Variants in PIGK observed in about 807,000 individuals in gnomAD.
PIGK encodes the protein phosphatidylinositol glycan anchor biosynthesis class K, also known as GPI-anchor transamidase.
In PIGK, 42 loss-of-function variants were observed where a neutral mutation model predicts 50.6. The observed-to-expected ratio is 0.83, with a 90% CI of 0.65 to 1.07. PIGK has a LOEUF of 1.07. Among genes scored for constraint, PIGK ranks in the 50% least tolerant of loss-of-function variants. PIGK has a pLI of 0.00. For synonymous variants in PIGK, 151 were observed against 156.0 expected, an observed-to-expected ratio of 0.97 and a Z score of 0.24; for missense variants, 448 against 488.7, an observed-to-expected ratio of 0.92 and a Z score of 0.78.
chr1:77,133,302 C>G (rs894749779), intron 9 of PIGK, among the ~76,000 whole-genome samples: 2 of 152,216 alleles, frequency 1.3e-5, no homozygotes, highest in East Asian at 3.9e-4. Flanking sequence ...GAGTTCTTAA[C>G]TTCAGATACC....
intron 4 of PIGK, among the ~76,000 whole-genome samples, chr1:77,168,873 T>A (rs1212425026): frequency 1.3e-5 from 2 of 152,082 alleles, no homozygotes; most frequent in Non-Finnish European, 2.9e-5. Context: ...GGAAGTATAT[T>A]GAAACTATAG....
chr1:77,109,902 T>C (rs368725687), intron 10 of PIGK, among the ~76,000 whole-genome samples: 1 of 152,194 alleles, frequency 6.6e-6, no homozygotes, highest in Admixed American at 6.5e-5. Context: ...GATAAGCAAC[T>C]TCAGCAAAGT....
At chr1:77,158,592 A>G (rs1655065358) in intron 8 of PIGK, among the ~76,000 whole-genome samples, 1 of 152,200 alleles carries the variant, frequency 6.6e-6, no homozygotes, top group South Asian at 2.1e-4. Context: ...AGGTGGACTC[A>G]GATGGAGATG....
At chr1:77,097,459 C>A (rs899713397) in intron 10 of PIGK, among the ~76,000 whole-genome samples, 2 of 152,106 alleles carry the variant, frequency 1.3e-5, no homozygotes, top group African/African-American at 4.8e-5. Flanking sequence ...ATGCACACTA[C>A]CCAAGATCTT....
intron 10 of PIGK, among the ~76,000 whole-genome samples, chr1:77,116,595 T>TGTGC (rs1293791795): frequency 5.2e-4 from 48 of 92,206 alleles, no homozygotes; most frequent in African/African-American, 2.3e-3. Flanking sequence ...TGTGTGTGTG[T>TGTGC]GCGCGTGTGT....
intron 3 of PIGK, among the ~76,000 whole-genome samples, chr1:77,171,386 G>A (rs564011355): frequency 3.8e-4 from 47 of 123,796 alleles, no homozygotes; most frequent in African/African-American, 1.2e-3. Flanking sequence ...GCAGTGAGCC[G>A]ACATCGCGTC....
chr1:77,135,553 C>T (rs550108388), intron 9 of PIGK, among the ~76,000 whole-genome samples: 1 of 151,972 alleles, frequency 6.6e-6, no homozygotes, highest in Non-Finnish European at 1.5e-5. Flanking sequence ...TATCCTAATG[C>T]AGTATTGTTA....
chr1:77,135,278 T>C (rs1570211136), intron 9 of PIGK, among the ~76,000 whole-genome samples: 1 of 152,258 alleles, frequency 6.6e-6, no homozygotes, highest in Non-Finnish European at 1.5e-5. Context: ...TGTGGTTATA[T>C]TACTAATTAA....
At chr1:77,162,595 A>G (rs369410992) in intron 6 of PIGK, among the ~76,000 whole-genome samples, 21 of 152,282 alleles carry the variant, frequency 1.4e-4, no homozygotes, top group African/African-American at 3.8e-4. Flanking sequence ...GAATAATATA[A>G]TCAGGTATCC....
intron 3 of PIGK, among the ~76,000 whole-genome samples, chr1:77,187,969 A>G (rs528244977): frequency 4.6e-5 from 7 of 152,308 alleles, no homozygotes; most frequent in Admixed American, 1.3e-4. Flanking sequence ...CACTTCCCCA[A>G]TCAATACCCT....
chr1:77,171,505 C>G (rs1440442505), intron 3 of PIGK, among the ~76,000 whole-genome samples: 1 of 140,296 alleles, frequency 7.1e-6, no homozygotes, highest in African/African-American at 2.6e-5. Context: ...GGGTTAATTT[C>G]ACTCTGTGAA....
Position 77,210,482 on chromosome 1 carries a change from G to A in PIGK, c.101C>T (p.Ala34Val). The A allele has an allele frequency of 6.3e-7, 1 of 1,588,018 alleles. No homozygotes were observed. Among genetic ancestry groups the A allele is most frequent in the Non-Finnish European group, 8.6e-7 (1 of 1,163,266 alleles). Reference protein sequence around the residue: ...SVAASHIEDQAEQFFRSGHTN... With the variant: ...SVAASHIEDQVEQFFRSGHTN... Reference sequence around the variant, plus strand: ...ATGGCCACTTCTAAAGAATTGTTCTGCTTGATCCTAAATAAAGCAAAACAA... The same window carrying A: ...ATGGCCACTTCTAAAGAATTGTTCTACTTGATCCTAAATAAAGCAAAACAA... Residue 34 changes from alanine (A) to valine (V), a missense_variant, in exon 2 of 11, where the codon GCA (alanine) becomes GTA (valine). Ala to Val is a moderately conservative substitution (Grantham distance 64, BLOSUM62 0). Transcript: ENST00000370812.
At chr1:77,144,803 T>C (rs1437278280) in intron 9 of PIGK, among the ~76,000 whole-genome samples, 1 of 151,966 alleles carries the variant, frequency 6.6e-6, no homozygotes, top group Non-Finnish European at 1.5e-5. Context: ...AATTTAATTA[T>C]GTTTTGGTGC....
intron 10 of PIGK, among the ~76,000 whole-genome samples, chr1:77,093,524 T>C (rs1444533196): frequency 1.3e-5 from 2 of 152,144 alleles, no homozygotes; most frequent in African/African-American, 2.4e-5. Flanking sequence ...TGTCCATCAA[T>C]TCAAAATTAA....
intron 9 of PIGK, among the ~76,000 whole-genome samples, chr1:77,134,553 C>T (rs1004483540): frequency 3.3e-5 from 5 of 152,194 alleles, no homozygotes; most frequent in Non-Finnish European, 7.3e-5. Context: ...CAGTGGCCCA[C>T]TGCCAAGCCC....
chr1:77,193,675 C>T lies in PIGK; in HGVS notation c.239+12965G>A, dbSNP rs534950579. 1.2e-4 allele frequency among the ~76,000 whole-genome samples: 18 copies of T among 152,212 alleles called. No individual in the cohort carries two copies. In the South Asian group the frequency reaches 3.7e-3, roughly 32 times the overall value. ...CACAGAAGGAAAGGGCTTTGTTAAC[C>T]CTTTTCTATATCTTAATATTTATTC... is the stretch of plus-strand genomic sequence containing the variant. On this transcript the variant is annotated intron_variant, in intron 3 of 10. Coordinates refer to ENST00000370812, the MANE Select transcript of PIGK (RefSeq NM_005482.3).
At chr1:77,175,396 A>G (rs1397200471) in intron 3 of PIGK, among the ~76,000 whole-genome samples, 1 of 152,210 alleles carries the variant, frequency 6.6e-6, no homozygotes, top group African/African-American at 2.4e-5. Flanking sequence ...ACAAGTCAGA[A>G]AGTCCAAGCA....
At chr1:77,161,922 A>C (rs1655137807) in intron 6 of PIGK, among the ~76,000 whole-genome samples, 1 of 152,178 alleles carries the variant, frequency 6.6e-6, no homozygotes, top group African/African-American at 2.4e-5. Context: ...ATTGTGCCCA[A>C]GGTGGCTGCC....
chr1:77,095,300 A>G (rs1227461842), intron 10 of PIGK, among the ~76,000 whole-genome samples: 1 of 152,180 alleles, frequency 6.6e-6, no homozygotes, highest in Non-Finnish European at 1.5e-5. Context: ...TCCCAGAAAC[A>G]AGGATTAGAA....
Sources: allele counts gnomAD v4.1 joint callset (sites outside exome capture counted in the v4.1 genomes callset), GRCh38; gene constraint gnomAD v4.1.1; transcripts MANE v1.5; gene names NCBI Gene and HGNC (gene_info 2026-07-23, HGNC 2026-07-21).